Variants in TM9SF3 observed in about 807,000 individuals in gnomAD.
TM9SF3 encodes the protein SM-11044-binding protein.
TM9SF3 carries 14 observed loss-of-function variants against 78.6 expected under a neutral mutation model. That is an observed-to-expected ratio of 0.18 (90% CI 0.12 to 0.28). The LOEUF is 0.28. Among genes scored for constraint, TM9SF3 ranks in the 10% least tolerant of loss-of-function variants. The pLI, the probability that TM9SF3 is intolerant of heterozygous loss-of-function variation, is 1.00. For missense variants in TM9SF3, 496 were observed against 721.9 expected, an observed-to-expected ratio of 0.69 and a Z score of 3.59; for synonymous variants, 231 against 241.7, an observed-to-expected ratio of 0.96 and a Z score of 0.41.
At position 96,521,500 on chromosome 10, in the gene TM9SF3, T is replaced by A. The variant is rs1460569358; in HGVS notation, c.*763A>T. The stretch of plus-strand genomic sequence containing the variant: ...AAATGTTTAATAAAAACAAGTATCT[T>A]CTCCATTTAACACTTTGCTTTCTAA... On this transcript the variant is annotated 3_prime_UTR_variant, in exon 15 of 15. Transcript: ENST00000371142. 6.6e-6 allele frequency: 1 copy of A among 152,334 alleles called. No individual in the cohort carries two copies. Among genetic ancestry groups the A allele is most frequent in the East Asian group, 1.9e-4 (1 of 5,192 alleles). 9.4% of individuals were successfully genotyped at this position (152,334 alleles called of 1,614,324 possible). A position where few individuals can be genotyped will look rare whatever the true frequency, so the allele number is the denominator to read the frequency against.
At position 96,544,260 on chromosome 10, in the gene TM9SF3, T is replaced by C. The variant is rs559472383; in HGVS notation, c.1055-54A>G. 1.8e-5 allele frequency: 26 copies of C among 1,425,200 alleles called. No individual in the cohort carries two copies. The African/African-American group carries it at 2.5e-4, about 14-fold the overall frequency. 88.3% of individuals were successfully genotyped at this position (1,425,200 alleles called of 1,614,324 possible). On this transcript the variant is annotated intron_variant, in intron 8 of 14. Transcript: ENST00000371142. Reference sequence around the variant, plus strand: ...AATATAATTATTTAGTACGAAATTATTTGTTTGAAATTTTAATATAAAGAT... The same window carrying C: ...AATATAATTATTTAGTACGAAATTACTTGTTTGAAATTTTAATATAAAGAT...
rs547905487 is a variant in TM9SF3, at chr10:96,565,335, G to A, written c.390C>T (p.Tyr130=). The A allele has an allele frequency of 6.4e-7, 1 of 1,562,240 alleles. No individual in the cohort carries two copies. Among genetic ancestry groups the A allele is most frequent in the South Asian group, 1.2e-5 (1 of 81,682 alleles). Residue 130 remains tyrosine (Y), a synonymous_variant, in exon 3 of 15, where the codon TAC becomes TAT. Transcript: ENST00000371142. ...TTGGTAAATCATCTATGTACATCTG[G>A]TACCAGTAATGATTTTTTATGGCAT... The part of the protein sequence containing the change: ...FVYAIKNHYW[Y]QMYIDDLPIW...
chr10:96,535,868 C>T (rs1275715109), intron 9 of TM9SF3, among the ~76,000 whole-genome samples: 1 of 152,194 alleles, frequency 6.6e-6, no homozygotes, highest in African/African-American at 2.4e-5. Context: ...TCTTTGCTTC[C>T]AGACTGGCCT....
chr10:96,536,901 T>A (rs1371864986), intron 9 of TM9SF3, among the ~76,000 whole-genome samples: 1 of 152,240 alleles, frequency 6.6e-6, no homozygotes, highest in Non-Finnish European at 1.5e-5. Flanking sequence ...GCTTAAGTGA[T>A]CCTTCTGCCT....
chr10:96,563,891 T>G (rs1456202145), intron 3 of TM9SF3, among the ~76,000 whole-genome samples: 1 of 151,704 alleles, frequency 6.6e-6, no homozygotes, highest in African/African-American at 2.4e-5. Context: ...CATCCAAAAG[T>G]ATTTCCCCAA....
intron 1 of TM9SF3, among the ~76,000 whole-genome samples, 163 bp downstream of exon 1, chr10:96,586,571 C>T (rs2134166160): frequency 6.6e-6 from 1 of 152,088 alleles, no homozygotes; most frequent in African/African-American, 2.4e-5. Context: ...AATGCCTCCT[C>T]CACGCTCCCA....
intron 11 of TM9SF3, among the ~76,000 whole-genome samples, chr10:96,529,644 A>C (rs1339849426): frequency 7.4e-6 from 1 of 135,544 alleles, no homozygotes; most frequent in African/African-American, 2.8e-5. Context: ...ATGGCTCTAT[A>C]TTTAAAAAAA....
At chr10:96,561,036 A>G in intron 4 of TM9SF3, 1 of 337,654 alleles carries the variant, frequency 3.0e-6, no homozygotes. Flanking sequence ...GAAGTCTTCT[A>G]TTTTAATCTC....
chr10:96,561,839 A>G, intron 4 of TM9SF3, 139 bp downstream of exon 4: 1 of 732,350 alleles, frequency 1.4e-6, no homozygotes, highest in Non-Finnish European at 2.2e-6. Context: ...ACTTACGTAC[A>G]CTGAGAAAAT....
At chr10:96,547,584 C>A (rs1177856300) in intron 8 of TM9SF3, among the ~76,000 whole-genome samples, 1 of 137,240 alleles carries the variant, frequency 7.3e-6, no homozygotes, top group African/African-American at 2.8e-5. Context: ...AGGCCAGACA[C>A]TTTGGGAGGC....
In TM9SF3 at chr10:96,547,487, AG is replaced by A. The variant is rs564727298; in HGVS notation, c.1054+407del. ...ACAAAAGCAAGACAGAACACACAATAGGTTTGGTAGAAATTATGTGAAATGA... is the reference window on the plus strand; with the variant it reads ...ACAAAAGCAAGACAGAACACACAATAGTTTGGTAGAAATTATGTGAAATGA... On this transcript the variant is annotated intron_variant, in intron 8 of 14. Transcript: ENST00000371142. 7.2e-4 allele frequency among the ~76,000 whole-genome samples: 109 copies of A among 152,340 alleles called. 1 individual carries two copies. The highest frequency in any genetic ancestry group is 2.6e-3 in the African/African-American group (107 of 41,576).
At chr10:96,573,091 T>A (rs1848457597) in intron 2 of TM9SF3, among the ~76,000 whole-genome samples, 1 of 152,234 alleles carries the variant, frequency 6.6e-6, no homozygotes, top group African/African-American at 2.4e-5. Flanking sequence ...TGGTTTCACA[T>A]TTCCAAAATT....
At chr10:96,570,665 C>T (rs1848428342) in intron 2 of TM9SF3, among the ~76,000 whole-genome samples, 1 of 152,130 alleles carries the variant, frequency 6.6e-6, no homozygotes, top group South Asian at 2.1e-4. Context: ...TCTTCTCTCT[C>T]TTAAAACCCA....
At chr10:96,524,960 G>T (rs1847821441) in intron 14 of TM9SF3, among the ~76,000 whole-genome samples, 2 of 152,010 alleles carry the variant, frequency 1.3e-5, no homozygotes, top group South Asian at 4.2e-4. Context: ...ATGTGCCAAG[G>T]TTTTCAGGCA....
chr10:96,571,268 T>A lies in TM9SF3; in HGVS notation c.298+5366A>T, dbSNP rs187145435. Among the ~76,000 whole-genome samples, 30 of 152,248 alleles carry A rather than the reference T, an allele frequency of 2.0e-4. No individual in the cohort carries two copies. In the East Asian group the frequency reaches 5.6e-3, roughly 28 times the overall value. ...GGGAACTGTATTAAAATATTAAATA[T>A]GTACATAAATGGGTTAGATGGCCAG... is the stretch of plus-strand genomic sequence containing the variant. On this transcript the variant is annotated intron_variant, in intron 2 of 14. Transcript: ENST00000371142.
chr10:96,551,536 T>C (rs1848170160), intron 6 of TM9SF3, 125 bp from the exon 7 acceptor site: 1 of 594,328 alleles, frequency 1.7e-6, no homozygotes, highest in Non-Finnish European at 2.6e-6. Flanking sequence ...AAATACAAAA[T>C]ATTGAGAAAG....
At chr10:96,542,734 T>C (rs952251068) in intron 9 of TM9SF3, among the ~76,000 whole-genome samples, 3 of 152,046 alleles carry the variant, frequency 2.0e-5, no homozygotes, top group Admixed American at 6.5e-5. Flanking sequence ...CCCTGTCTGG[T>C]GTAATTAGTT....
At chr10:96,558,797 C>T (rs899525459) in intron 5 of TM9SF3, among the ~76,000 whole-genome samples, 3 of 152,050 alleles carry the variant, frequency 2.0e-5, no homozygotes, top group Admixed American at 6.6e-5. Context: ...ACTTACGGGC[C>T]ATCTCAAAAA....
rs761082209 is a variant in TM9SF3, at chr10:96,561,978, T to G, written c.582A>C (p.Ser194=). The G allele has an allele frequency of 1.9e-6, 3 of 1,607,370 alleles. No homozygotes were observed. Among genetic ancestry groups the G allele is most frequent in the Non-Finnish European group, 2.5e-6 (3 of 1,177,848 alleles). The change falls in exon 4 of 15, where the codon TCA becomes TCC. Residue 194 remains serine (S), a splice_region_variant and synonymous_variant. Transcript: ENST00000371142. ...VPNTKIQMSY[S]VKWKKSDVKF... ...TACATTAAACTATTTGAATACTTAC[T>G]GAATATGACATCTGGATTTTAGTAT...
Sources: gnomAD v4.1 joint callset for allele counts (sites outside exome capture counted in the v4.1 genomes callset) on GRCh38, gnomAD v4.1.1 for gene constraint, MANE v1.5 for transcripts, NCBI Gene and HGNC (gene_info 2026-07-23, HGNC 2026-07-21) for gene names.